LRP12: variants seen among roughly 807,000 people sequenced by gnomAD.
LRP12 encodes LDL receptor related protein 12, also known as low-density lipoprotein receptor-related protein 12.
Under a neutral mutation model 66.0 loss-of-function variants are expected in LRP12, and 14 were observed. The ratio of observed to expected loss-of-function variants is 0.21; its 90% confidence interval spans 0.14 to 0.33. The LOEUF (loss-of-function observed/expected upper bound fraction) is 0.33, where lower values mean the gene tolerates loss of function less well. Ranked by LOEUF, LRP12 falls within the 10% of genes least tolerant of loss-of-function variation. LRP12 has a pLI of 1.00. For missense variants in LRP12, 889 were observed against 1,053.4 expected (o/e 0.84, Z 2.16); for synonymous variants, 357 against 359.1 (o/e 0.99, Z 0.07).
rs183547539 is a variant in LRP12, at chr8:104,518,599, A to G, written c.137-9525T>C. Among the ~76,000 whole-genome samples the G allele has an allele frequency of 2.0e-5, 3 of 152,264 alleles. No individual in the cohort carries two copies. The East Asian group carries it at 5.8e-4, about 29-fold the overall frequency. On this transcript the variant is annotated intron_variant, in intron 2 of 6. Coordinates refer to ENST00000276654, the MANE Select transcript of LRP12 (RefSeq NM_013437.5). The stretch of plus-strand genomic sequence containing the variant: ...GGATAGAAAGGGTAGATAATCTATA[A>G]TAACACAGAGAAAATAAGTATAGTT...
chr8:104,526,129 G>A (rs1212039997), intron 2 of LRP12, among the ~76,000 whole-genome samples: 2 of 152,060 alleles, frequency 1.3e-5, no homozygotes, highest in African/African-American at 4.8e-5. Flanking sequence ...TACAAGGGAC[G>A]TGAAGGACCT....
rs367962042 is a variant in LRP12 at position 104,496,960 on chromosome 8, C to G, written c.1580+12G>C. 4 of 1,515,664 alleles carry G rather than the reference C, an allele frequency of 2.6e-6. No individual in the cohort carries two copies. The African/African-American group carries it at 5.6e-5, about 21-fold the overall frequency. The allele number at this position is 1,515,664 out of a possible 1,614,324, so 93.9% of individuals were successfully genotyped here. Reference sequence around the variant, plus strand: ...TTTTATTGAGGCCCAATAGTTCTGTCTTGATACTGACCTTCTTTCAAACAT... The same window carrying G: ...TTTTATTGAGGCCCAATAGTTCTGTGTTGATACTGACCTTCTTTCAAACAT... On this transcript the variant is annotated intron_variant, in intron 5 of 6. Coordinates refer to ENST00000276654, the MANE Select transcript of LRP12 (RefSeq NM_013437.5).
intron 1 of LRP12, among the ~76,000 whole-genome samples, chr8:104,567,276 A>C (rs1198272491): frequency 6.6e-6 from 1 of 152,204 alleles, no homozygotes; most frequent in African/African-American, 2.4e-5. Flanking sequence ...TGGAGACCTC[A>C]GAATCATGGC....
At chr8:104,548,163 T>TATATAATTAA (rs1317711387) in intron 1 of LRP12, among the ~76,000 whole-genome samples, 1 of 59,038 alleles carries the variant, frequency 1.7e-5, no homozygotes, top group African/African-American at 7.4e-5. Context: ...TTAATAATTA[T>TATATAATTAA]TATATATAAT....
chr8:104,502,644 T>C (rs1810846914), intron 3 of LRP12, among the ~76,000 whole-genome samples: 1 of 152,214 alleles, frequency 6.6e-6, no homozygotes, highest in Non-Finnish European at 1.5e-5. Flanking sequence ...GTGTGGTTCC[T>C]TCTTTCAGGG....
chr8:104,573,760 C>T lies in LRP12; in HGVS notation c.79+15059G>A, dbSNP rs1044955957. ...ACACTGAACTCAACAAAAAAAAGAT[C>T]GTAAGTGCATCTAAAAGAATGGATT... is the stretch of plus-strand genomic sequence containing the variant. On this transcript the variant is annotated intron_variant, in intron 1 of 6. Coordinates refer to ENST00000276654, the MANE Select transcript of LRP12 (RefSeq NM_013437.5). Among the ~76,000 whole-genome samples the T allele has an allele frequency of 6.2e-4, 94 of 151,210 alleles. 1 individual carries two copies. The highest frequency in any genetic ancestry group is 1.1e-3 in the African/African-American group (44 of 41,158).
chr8:104,492,654 A>G (rs1223993528), intron 6 of LRP12, among the ~76,000 whole-genome samples: 4 of 152,114 alleles, frequency 2.6e-5, no homozygotes, highest in African/African-American at 9.7e-5. Flanking sequence ...GCATTTATTT[A>G]TGCTTTCCAT....
intron 1 of LRP12, among the ~76,000 whole-genome samples, chr8:104,560,214 GCC>G (rs1302541728): frequency 6.6e-6 from 1 of 151,400 alleles, no homozygotes; most frequent in Non-Finnish European, 1.5e-5. Flanking sequence ...CCCTTTAAAG[GCC>G]CAGGATGTTG....
chr8:104,547,576 A>G (rs1382080042), intron 1 of LRP12, among the ~76,000 whole-genome samples: 1 of 123,324 alleles, frequency 8.1e-6, no homozygotes, highest in African/African-American at 3.1e-5. Flanking sequence ...AATAATTATT[A>G]TATATTAATA....
intron 1 of LRP12, among the ~76,000 whole-genome samples, chr8:104,548,442 A>T (rs1811665876): frequency 9.1e-6 from 1 of 109,304 alleles, no homozygotes; most frequent in African/African-American, 4.5e-5. Flanking sequence ...ATAATTCTAT[A>T]TTATATTATA....
At chr8:104,527,696 C>A (rs568441922) in intron 2 of LRP12, among the ~76,000 whole-genome samples, 1 of 151,588 alleles carries the variant, frequency 6.6e-6, no homozygotes, top group Non-Finnish European at 1.5e-5. Flanking sequence ...GTAAGGGGAG[C>A]GAGGAGGGAT....
chr8:104,533,033 A>G (rs1383053211), intron 1 of LRP12, among the ~76,000 whole-genome samples: 1 of 152,158 alleles, frequency 6.6e-6, no homozygotes, highest in African/African-American at 2.4e-5. Flanking sequence ...TAAAGAAAAA[A>G]TAACAGTGAT....
intron 2 of LRP12, among the ~76,000 whole-genome samples, chr8:104,530,994 A>G (rs916289210): frequency 2.0e-5 from 3 of 152,162 alleles, no homozygotes; most frequent in African/African-American, 7.2e-5. Flanking sequence ...GTGTTTGACT[A>G]GGGCACACTA....
chr8:104,532,645 G>A (rs1015381032), intron 1 of LRP12, among the ~76,000 whole-genome samples: 1 of 152,062 alleles, frequency 6.6e-6, no homozygotes, highest in Admixed American at 6.6e-5. Flanking sequence ...AGTCAGGTGG[G>A]GAAGGAAGCT....
At chr8:104,502,798 T>C (rs72679133) in intron 3 of LRP12, among the ~76,000 whole-genome samples, 23,319 of 151,974 alleles carry the variant, frequency 0.15, 2,156 homozygotes, top group Middle Eastern at 0.24. Context: ...AAATATCTTA[T>C]CCAAACTTAA....
intron 1 of LRP12, among the ~76,000 whole-genome samples, chr8:104,545,035 G>A (rs1229720069): frequency 6.6e-6 from 1 of 152,116 alleles, no homozygotes; most frequent in African/African-American, 2.4e-5. Flanking sequence ...TCCATTGGAG[G>A]TCAATGAACT....
At chr8:104,575,977 C>A (rs1170457725) in intron 1 of LRP12, among the ~76,000 whole-genome samples, 1 of 152,048 alleles carries the variant, frequency 6.6e-6, no homozygotes, top group East Asian at 1.9e-4. Context: ...ATAATGCAAT[C>A]ATAAGTATTA....
rs1810740626 is a variant in LRP12, at chr8:104,497,063, C to G, written c.1489G>C (p.Ala497Pro). 1 of 1,611,174 alleles carries G rather than the reference C, an allele frequency of 6.2e-7. No homozygotes were observed. The highest frequency in any genetic ancestry group is 8.5e-7 in the Non-Finnish European group (1 of 1,178,302). ...CCACAGATGAGGCTCCCTATGACGG[C>G]AGCAGTGATGACTCTTGTAGGCACG... is the stretch of plus-strand genomic sequence containing the variant. ...VIVPTRVITA[A>P]VIGSLICGLL... The change falls in exon 5 of 7, where the codon GCC becomes CCC. Residue 497 changes from alanine (A) to proline (P), a missense_variant. By Grantham distance (27) the Ala-to-Pro change is conservative (BLOSUM62 -1). This residue lies in a region of LRP12 where 800 missense variants were observed against 964.5 expected (regional missense o/e 0.83). Transcript: ENST00000276654. The surrounding 1 kb of genome is among the most constrained non-coding windows in gnomAD (Gnocchi z 4.3).
chr8:104,584,040 G>C (rs1812294478), intron 1 of LRP12, among the ~76,000 whole-genome samples: 2 of 152,036 alleles, frequency 1.3e-5, no homozygotes, highest in South Asian at 4.2e-4. Flanking sequence ...TATTTGAATA[G>C]ATACATTGGT....
Sources: allele counts gnomAD v4.1 joint callset (sites outside exome capture counted in the v4.1 genomes callset), GRCh38; gene constraint gnomAD v4.1.1; regional missense constraint gnomAD v4.1.1; non-coding constraint Gnocchi (gnomAD v3.1); transcripts MANE v1.5; gene names NCBI Gene and HGNC (gene_info 2026-07-23, HGNC 2026-07-21).